The following CACNA2D4 variants were observed in gnomAD, a reference collection of about 807,000 sequenced individuals.
The protein encoded by CACNA2D4 is calcium voltage-gated channel auxiliary subunit alpha2delta 4.
Under a neutral mutation model 163.8 loss-of-function variants are expected in CACNA2D4, and 157 were observed. That is an observed-to-expected ratio of 0.96 (90% CI 0.84 to 1.09). The LOEUF is 1.09. CACNA2D4 is among the 50% of genes least tolerant of loss of function. The probability of loss-of-function intolerance (pLI) is 0.00; values close to 1 mark genes in which losing one functional copy is unlikely to be tolerated. For missense variants in CACNA2D4, 1,410 were observed against 1,479.9 expected, an observed-to-expected ratio of 0.95 and a Z score of 0.78; for synonymous variants, 598 against 586.9, an observed-to-expected ratio of 1.02 and a Z score of -0.27.
intron 3 of CACNA2D4, among the ~76,000 whole-genome samples, chr12:1,911,893 T>C (rs540684705): frequency 6.6e-6 from 1 of 152,338 alleles, no homozygotes; most frequent in African/African-American, 2.4e-5. Context: ...CCAGGCTGTG[T>C]GTGAGGCTAG....
At chr12:1,826,678 A>C (rs1327718720) in intron 26 of CACNA2D4, among the ~76,000 whole-genome samples, 1 of 150,320 alleles carries the variant, frequency 6.7e-6, no homozygotes, top group Non-Finnish European at 1.5e-5. Flanking sequence ...AGAGGGCGGC[A>C]CTCCGCTCCT....
Position 1,829,504 on chromosome 12 carries a change from G to A in CACNA2D4, c.2551+11235C>T, listed in dbSNP as rs1434557591. ...CTTCTCGCCAAGAACAGTGAGGCTT[G>A]CTGTTAGGCTGCAGGGAGGCCTGGG... On this transcript the variant is annotated intron_variant, in intron 26 of 37. Transcript: ENST00000382722. This position sits in a 1 kb window ranked among gnomAD's most constrained non-coding sequence, Gnocchi z 4.2. Among the ~76,000 whole-genome samples, 1 of 152,080 alleles carries A rather than the reference G, an allele frequency of 6.6e-6. No individual in the cohort carries two copies. The highest frequency in any genetic ancestry group is 1.5e-5 in the Non-Finnish European group (1 of 67,990).
chr12:1,912,434 C>T (rs1227623997), intron 3 of CACNA2D4, among the ~76,000 whole-genome samples: 65 of 152,222 alleles, frequency 4.3e-4, no homozygotes, highest in Non-Finnish European at 2.9e-5. Flanking sequence ...TGGTGGATGT[C>T]CAGTAACAGA....
At chr12:1,879,945 G>A (rs1026238463) in intron 13 of CACNA2D4, 64 bp from the exon 14 acceptor site, 21 of 1,128,974 alleles carry the variant, frequency 1.9e-5, no homozygotes, top group Non-Finnish European at 2.2e-5. Flanking sequence ...TGCCGCACTC[G>A]GAGCACCCAG....
intron 13 of CACNA2D4, among the ~76,000 whole-genome samples, chr12:1,882,607 A>G (rs1242598931): frequency 6.6e-6 from 1 of 152,094 alleles, no homozygotes; most frequent in Non-Finnish European, 1.5e-5. Context: ...CGGAGCAGGG[A>G]CCCTGTCCGT....
rs570089711 is a variant in CACNA2D4, at chr12:1,884,381, C to A, written c.1273-60G>T. 29 of 1,382,292 alleles carry A rather than the reference C, an allele frequency of 2.1e-5. No individual in the cohort carries two copies. In the Admixed American group the frequency reaches 5.0e-4, roughly 24 times the overall value. The allele number at this position is 1,382,292 out of a possible 1,614,324, so 85.6% of individuals were successfully genotyped here. A position where few individuals can be genotyped will look rare whatever the true frequency, so the allele number is the denominator to read the frequency against. Reference sequence around the variant, plus strand: ...AATTCCCGGCCATAAGTAATGTTAACATTGTTTATATGAGTCTTAGATGTT... The same window carrying A: ...AATTCCCGGCCATAAGTAATGTTAAAATTGTTTATATGAGTCTTAGATGTT... On this transcript the variant is annotated intron_variant, in intron 11 of 37. Coordinates refer to ENST00000382722, the MANE Select transcript of CACNA2D4 (RefSeq NM_172364.5).
intron 23 of CACNA2D4, 148 bp from the exon 24 acceptor site, chr12:1,846,837 C>G: frequency 1.5e-6 from 1 of 686,570 alleles, no homozygotes; most frequent in South Asian, 1.7e-5. Flanking sequence ...TGGGAAGGGG[C>G]CGGGACACGC....
intron 6 of CACNA2D4, among the ~76,000 whole-genome samples, chr12:1,897,167 AAAAAAGTTG>A (rs1866429335): frequency 6.6e-6 from 1 of 152,170 alleles, no homozygotes; most frequent in East Asian, 1.9e-4. Context: ...TGTGGGAGCT[AAAAAAGTTG>A]ATCTCATGGG....
At chr12:1,801,212 G>A (rs1207592665) in intron 30 of CACNA2D4, 94 bp from the exon 31 acceptor site, 9 of 1,033,186 alleles carry the variant, frequency 8.7e-6, no homozygotes, top group South Asian at 2.6e-5. Flanking sequence ...TCCGTTTACC[G>A]CAATTCCCAA....
intron 6 of CACNA2D4, among the ~76,000 whole-genome samples, chr12:1,899,678 A>G (rs1358181155): frequency 6.6e-6 from 1 of 152,190 alleles, no homozygotes; most frequent in South Asian, 2.1e-4. Flanking sequence ...TATGCTTTAT[A>G]GATGAAATCT....
chr12:1,884,191 G>A (rs1866076332), intron 12 of CACNA2D4, 52 bp downstream of exon 12: 1 of 1,544,732 alleles, frequency 6.5e-7, no homozygotes, highest in Non-Finnish European at 8.9e-7. Context: ...GGGTAACCCT[G>A]TCTCCTGTGC....
At chr12:1,912,918 G>A (rs1286187624) in intron 3 of CACNA2D4, 105 bp downstream of exon 3, 4 of 690,370 alleles carry the variant, frequency 5.8e-6, no homozygotes, top group East Asian at 2.7e-5. Flanking sequence ...ATAGGAGAGG[G>A]TCACGAGGGG....
intron 6 of CACNA2D4, among the ~76,000 whole-genome samples, chr12:1,903,634 A>G (rs117019133): frequency 7.2e-5 from 11 of 152,222 alleles, no homozygotes; most frequent in Non-Finnish European, 1.0e-4. Flanking sequence ...AACATCATTG[A>G]TTATCAGAGA....
chr12:1,912,748 T>C (rs1247886167), intron 3 of CACNA2D4, among the ~76,000 whole-genome samples: 1 of 152,242 alleles, frequency 6.6e-6, no homozygotes, highest in Non-Finnish European at 1.5e-5. Flanking sequence ...CTCACAATGC[T>C]GCAGGCTGAC....
chr12:1,901,249 A>G (rs1486644964), intron 6 of CACNA2D4, among the ~76,000 whole-genome samples: 1 of 152,178 alleles, frequency 6.6e-6, no homozygotes, highest in Non-Finnish European at 1.5e-5. Context: ...TCAAGAAAGT[A>G]GAAAATCTTT....
In CACNA2D4 at chr12:1,917,816, C is replaced by CT. The variant is rs950053815; in HGVS notation, c.227+430dup. ...TTCTGTGGGTTCAGAACTGCTTCCC[C>CT]TTTTTGGAATGTCAAAATACGCATT... On this transcript the variant is annotated intron_variant, in intron 1 of 37. Coordinates refer to ENST00000382722, the MANE Select transcript of CACNA2D4 (RefSeq NM_172364.5). This position sits in a 1 kb window ranked among gnomAD's most constrained non-coding sequence, Gnocchi z 4.3. The CT allele has an allele frequency of 1.1e-5, 2 of 185,406 alleles. No homozygotes were observed. Among genetic ancestry groups the CT allele is most frequent in the Admixed American group, 6.4e-5 (1 of 15,522 alleles). 11.5% of individuals were successfully genotyped at this position (185,406 alleles called of 1,614,324 possible).
chr12:1,908,343 G>C (rs540251118), intron 4 of CACNA2D4, among the ~76,000 whole-genome samples: 6 of 152,306 alleles, frequency 3.9e-5, no homozygotes, highest in African/African-American at 1.2e-4. Flanking sequence ...ACAGGCAGCC[G>C]CGGAGTCAAG....
At position 1,875,439 on chromosome 12, in the gene CACNA2D4, G is replaced by T; in HGVS notation, c.1720-102C>A. 1.3e-6 allele frequency: 1 copy of T among 769,522 alleles called. No individual in the cohort carries two copies. Among genetic ancestry groups the T allele is most frequent in the Non-Finnish European group, 2.3e-6 (1 of 434,626 alleles). The allele number at this position is 769,522 out of a possible 1,614,324, so 47.7% of individuals were successfully genotyped here. A position where few individuals can be genotyped will look rare whatever the true frequency, so the allele number is the denominator to read the frequency against. ...TTCAGGTATATTCATAAAAGCAAAG[G>T]ATTCCTTAGAAATCAATCAATCCAG... On this transcript the variant is annotated intron_variant, in intron 16 of 37. Transcript: ENST00000382722. The surrounding 1 kb of genome is among the most constrained non-coding windows in gnomAD (Gnocchi z 4.0).
chr12:1,856,909 GGCT>G (rs1472165091), intron 20 of CACNA2D4, among the ~76,000 whole-genome samples: 2 of 152,172 alleles, frequency 1.3e-5, no homozygotes, highest in Non-Finnish European at 2.9e-5. Flanking sequence ...GCCTCACAAG[GGCT>G]GCTGCTCTGA....
Sources: gnomAD v4.1 joint callset for allele counts (sites outside exome capture counted in the v4.1 genomes callset) on GRCh38, gnomAD v4.1.1 for gene constraint, Gnocchi (gnomAD v3.1) non-coding constraint, MANE v1.5 for transcripts, NCBI Gene and HGNC (gene_info 2026-07-23, HGNC 2026-07-21) for gene names.